The following C1QTNF3 variants were observed in gnomAD, a reference collection of about 807,000 sequenced individuals.
C1QTNF3 encodes the protein C1q and TNF related 3, also known as complement C1q tumor necrosis factor-related protein 3.
Under a neutral mutation model 32.6 loss-of-function variants are expected in C1QTNF3, and 26 were observed. The ratio of observed to expected loss-of-function variants is 0.80; its 90% CI spans 0.58 to 1.11. The LOEUF (loss-of-function observed/expected upper bound fraction) is 1.11, where lower values mean the gene tolerates loss of function less well. Among genes scored for constraint, C1QTNF3 ranks in the 50% least tolerant of loss-of-function variants. The pLI, the probability that C1QTNF3 is intolerant of heterozygous loss-of-function variation, is 0.00. For synonymous variants in C1QTNF3, 155 were observed against 146.0 expected (o/e 1.06, Z -0.44); for missense variants, 362 against 398.2 (o/e 0.91, Z 0.77).
chr5:34,142,692 C>T, the C1QTNF3 span, among the ~76,000 whole-genome samples: 33 of 150,252 alleles, frequency 2.2e-4, no homozygotes, highest in Middle Eastern at 3.5e-3. Context: ...AATATACTTC[C>T]CCGTGAAACC....
chr5:34,195,714 G>A, the C1QTNF3 span, among the ~76,000 whole-genome samples: 4 of 151,428 alleles, frequency 2.6e-5, no homozygotes, highest in South Asian at 2.1e-4. Context: ...AGTGGCGGGC[G>A]CCTTAGTCCC....
chr5:34,234,388 CAA>C, the C1QTNF3 span, among the ~76,000 whole-genome samples: 3 of 152,212 alleles, frequency 2.0e-5, no homozygotes, highest in African/African-American at 7.2e-5. Context: ...TTCCAGAAGA[CAA>C]AAGACTACTC....
intron 5 of C1QTNF3, among the ~76,000 whole-genome samples, chr5:34,022,301 C>T (rs1225616245): frequency 2.6e-5 from 4 of 152,196 alleles, no homozygotes; most frequent in African/African-American, 9.7e-5. Context: ...GGCTGTTTGA[C>T]TCAGCTTTCA....
chr5:34,136,408 G>A, the C1QTNF3 span, among the ~76,000 whole-genome samples: 44 of 151,770 alleles, frequency 2.9e-4, no homozygotes, highest in East Asian at 1.2e-3. Flanking sequence ...AATGCTCATC[G>A]TCACTAGTCA....
chr5:34,134,643 T>G, the C1QTNF3 span, among the ~76,000 whole-genome samples: 1 of 152,208 alleles, frequency 6.6e-6, no homozygotes, highest in South Asian at 2.1e-4. Context: ...TTCACATCCC[T>G]TGTAAGTTGG....
chr5:34,147,795 T>C, the C1QTNF3 span, among the ~76,000 whole-genome samples: 2 of 152,190 alleles, frequency 1.3e-5, no homozygotes, highest in Non-Finnish European at 2.9e-5. Flanking sequence ...GACTTGTATA[T>C]GTACCCTCAT....
rs560993911 is a variant in C1QTNF3, at chr5:34,030,943, G to GT, written c.571-2061dup. ...ACTGGGGCCTATGGGAGGATGGAAG[G>GT]TGGGAGGAGGGAGAGAATCAGGAAA... On this transcript the variant is annotated intron_variant, in intron 3 of 5. Coordinates refer to ENST00000382065, the MANE Select transcript of C1QTNF3 (RefSeq NM_181435.6). 1.4e-4 allele frequency among the ~76,000 whole-genome samples: 22 copies of GT among 152,248 alleles called. No homozygotes were observed. The South Asian group carries it at 1.9e-3, about 13-fold the overall frequency.
At chr5:34,160,648 C>A in the C1QTNF3 span, among the ~76,000 whole-genome samples, 2 of 152,070 alleles carry the variant, frequency 1.3e-5, no homozygotes, top group Non-Finnish European at 2.9e-5. Flanking sequence ...AAATGTGTGA[C>A]CTTGGCCAAT....
chr5:34,042,733 A>T (rs1754901778), intron 1 of C1QTNF3, 90 bp downstream of exon 1: 2 of 1,309,432 alleles, frequency 1.5e-6, no homozygotes, highest in Non-Finnish European at 1.1e-6. Context: ...TGATTCTAAG[A>T]ATCTTAGCCA....
At chr5:34,125,814 G>T in the C1QTNF3 span, among the ~76,000 whole-genome samples, 1 of 152,082 alleles carries the variant, frequency 6.6e-6, no homozygotes, top group East Asian at 1.9e-4. Flanking sequence ...GTTGAAAATG[G>T]TAAACACAAT....
chr5:34,195,938 C>T, the C1QTNF3 span, among the ~76,000 whole-genome samples: 65 of 152,270 alleles, frequency 4.3e-4, no homozygotes, highest in African/African-American at 1.6e-3. Context: ...TAGATGAGGT[C>T]ATGAGAATAG....
At chr5:34,219,640 T>C in the C1QTNF3 span, among the ~76,000 whole-genome samples, 6 of 151,950 alleles carry the variant, frequency 3.9e-5, no homozygotes, top group Non-Finnish European at 8.8e-5. Context: ...GTTTTTTACA[T>C]CCAAAGAAGG....
the C1QTNF3 span, among the ~76,000 whole-genome samples, chr5:34,184,497 T>C: frequency 6.6e-6 from 1 of 152,304 alleles, no homozygotes; most frequent in Non-Finnish European, 1.5e-5. Context: ...GCAGATCGCA[T>C]GAGGTCAGGA....
chr5:34,204,718 AT>A, the C1QTNF3 span, among the ~76,000 whole-genome samples: 2 of 151,086 alleles, frequency 1.3e-5, no homozygotes, highest in Non-Finnish European at 3.0e-5. Flanking sequence ...ATAAGATTAT[AT>A]TTGTATCCCA....
chr5:34,242,299 T>C, the C1QTNF3 span, among the ~76,000 whole-genome samples: 13 of 152,076 alleles, frequency 8.5e-5, no homozygotes, highest in African/African-American at 2.4e-4. Context: ...ATGATACTGT[T>C]ACAAAAGCAG....
chr5:34,147,615 G>A, the C1QTNF3 span, among the ~76,000 whole-genome samples: 2 of 151,868 alleles, frequency 1.3e-5, no homozygotes, highest in Non-Finnish European at 1.5e-5. Flanking sequence ...AATAAATACT[G>A]AGCACACATG....
chr5:34,111,693 T>TA, the C1QTNF3 span, among the ~76,000 whole-genome samples: 3 of 151,956 alleles, frequency 2.0e-5, no homozygotes, highest in Non-Finnish European at 2.9e-5. Context: ...CTGCTTACAT[T>TA]ATGAGCCCAG....
Position 34,018,400 on chromosome 5 carries a change from G to A in C1QTNF3, c.*2183C>T, listed in dbSNP as rs183733218. Among the ~76,000 whole-genome samples the A allele has an allele frequency of 2.6e-5, 4 of 152,126 alleles. No individual in the cohort carries two copies. In the South Asian group the frequency reaches 6.2e-4, roughly 24 times the overall value. The stretch of plus-strand genomic sequence containing the variant: ...GAATTCCTAGCCCTTTGCCTTCTAT[G>A]GCTGTAAAAACATTCTACTTTATGT... On this transcript the variant is annotated 3_prime_UTR_variant, in exon 6 of 6. Coordinates refer to ENST00000382065, the MANE Select transcript of C1QTNF3 (RefSeq NM_181435.6).
the C1QTNF3 span, among the ~76,000 whole-genome samples, chr5:34,100,545 AATTT>A: frequency 1.3e-5 from 2 of 151,798 alleles, no homozygotes; most frequent in Admixed American, 6.6e-5. Flanking sequence ...GTAATAACAT[AATTT>A]ATTAATATCA....
Sources: allele counts gnomAD v4.1 joint callset (sites outside exome capture counted in the v4.1 genomes callset), GRCh38; gene constraint gnomAD v4.1.1; transcripts MANE v1.5; gene names NCBI Gene and HGNC (gene_info 2026-07-23, HGNC 2026-07-21).